The following CNTN5 variants were observed in gnomAD, a reference collection of about 807,000 sequenced individuals.
CNTN5 encodes contactin 5.
CNTN5 carries 77 observed loss-of-function variants against 129.1 expected under a neutral mutation model. The ratio of observed to expected loss-of-function variants is 0.60; its 90% confidence interval spans 0.50 to 0.72. The LOEUF is 0.72. CNTN5 is among the 30% of genes least tolerant of loss of function. The pLI is 0.00. For synonymous variants in CNTN5, 509 were observed against 465.6 expected (o/e 1.09, Z -1.20); for missense variants, 1,478 against 1,328.8 (o/e 1.11, Z -1.75).
At chr11:99,455,907 G>A (rs1406149582) in intron 2 of CNTN5, among the ~76,000 whole-genome samples, 4 of 152,182 alleles carry the variant, frequency 2.6e-5, no homozygotes, top group East Asian at 1.9e-4. Context: ...ATCTTTTCAA[G>A]CCCAGTATCT....
At chr11:99,642,200 G>C (rs556415480) in intron 3 of CNTN5, among the ~76,000 whole-genome samples, 1 of 152,214 alleles carries the variant, frequency 6.6e-6, no homozygotes, top group South Asian at 2.1e-4. Flanking sequence ...AGGAGAAAAT[G>C]GCATGAATAC....
chr11:100,071,934 T>G, intron 12 of CNTN5, 100 bp downstream of exon 12: 1 of 1,099,564 alleles, frequency 9.1e-7, no homozygotes, highest in Non-Finnish European at 1.2e-6. Flanking sequence ...GTTGTAAAAA[T>G]CTATTTTATG....
chr11:100,313,180 C>CT (rs59507606), intron 21 of CNTN5, among the ~76,000 whole-genome samples: 1 of 151,610 alleles, frequency 6.6e-6, no homozygotes, highest in Non-Finnish European at 1.5e-5. Flanking sequence ...TTATGTTTTT[C>CT]TTTTTTTTAA....
chr11:100,177,730 CAT>C (rs1243640540), intron 13 of CNTN5, among the ~76,000 whole-genome samples: 1 of 152,110 alleles, frequency 6.6e-6, no homozygotes, highest in Non-Finnish European at 1.5e-5. Context: ...AGGGAGCCGA[CAT>C]ATACGTAGAG....
intron 2 of CNTN5, among the ~76,000 whole-genome samples, chr11:99,455,784 G>A (rs1944475049): frequency 6.6e-6 from 1 of 152,110 alleles, no homozygotes; most frequent in African/African-American, 2.4e-5. Flanking sequence ...GGGAAAAAAA[G>A]CATGAAAAAT....
chr11:100,086,741 A>T (rs904275582), intron 13 of CNTN5, among the ~76,000 whole-genome samples: 17 of 151,606 alleles, frequency 1.1e-4, no homozygotes, highest in African/African-American at 4.1e-4. Flanking sequence ...AATGAATCAT[A>T]TAATATTAAC....
At chr11:99,251,069 T>C (rs1164077109) in intron 1 of CNTN5, among the ~76,000 whole-genome samples, 1 of 151,948 alleles carries the variant, frequency 6.6e-6, no homozygotes, top group African/African-American at 2.4e-5. Context: ...GATGCCACAA[T>C]ATCCATGAAT....
intron 1 of CNTN5, among the ~76,000 whole-genome samples, chr11:99,284,278 C>T (rs1373156765): frequency 6.6e-6 from 1 of 152,090 alleles, no homozygotes; most frequent in Non-Finnish European, 1.5e-5. Context: ...CACGTACACA[C>T]ATGCACACAA....
At position 100,089,472 on chromosome 11, in the gene CNTN5, G is replaced by A. The variant is rs1450436794; in HGVS notation, c.1580+15178G>A. Among the ~76,000 whole-genome samples, 6 of 152,246 alleles carry A rather than the reference G, an allele frequency of 3.9e-5. No individual in the cohort carries two copies. In the East Asian group the frequency reaches 1.2e-3, roughly 29 times the overall value. The stretch of plus-strand genomic sequence containing the variant: ...ACACTCTTGGTGAGAATGTAAATTA[G>A]TTCAACCATTGAGTAAGACAGTGTG... On this transcript the variant is annotated intron_variant, in intron 13 of 24. Coordinates refer to ENST00000524871, the MANE Select transcript of CNTN5 (RefSeq NM_014361.4).
chr11:99,915,592 C>G lies in CNTN5; in HGVS notation c.578-462C>G, dbSNP rs568657572. Among the ~76,000 whole-genome samples the G allele has an allele frequency of 1.6e-4, 25 of 152,246 alleles. 1 individual carries two copies. Among genetic ancestry groups the G allele is most frequent in the Admixed American group, 1.3e-3 (20 of 15,266 alleles). On this transcript the variant is annotated intron_variant, in intron 6 of 24. Transcript: ENST00000524871. The stretch of plus-strand genomic sequence containing the variant: ...CTATATTTTGTTAGAGCATACAAGC[C>G]TCTCTAATTTGGCATGCTCATGCTT...
chr11:99,630,271 T>C (rs146998620), intron 3 of CNTN5, among the ~76,000 whole-genome samples: 1,912 of 149,576 alleles, frequency 0.013, 39 homozygotes, highest in African/African-American at 0.043. Flanking sequence ...TATATATATG[T>C]ATATACACAT....
intron 1 of CNTN5, among the ~76,000 whole-genome samples, chr11:99,148,946 A>G (rs1859917574): frequency 6.6e-6 from 1 of 152,114 alleles, no homozygotes; most frequent in African/African-American, 2.4e-5. Flanking sequence ...ATTTTAAAGA[A>G]CAGTAAAATC....
At position 100,350,777 on chromosome 11, in the gene CNTN5, C is replaced by G. The variant is rs1251071408; in HGVS notation, c.3106C>G (p.Pro1036Ala). Residue 1036 changes from proline to alanine, a missense_variant, in exon 24 of 25, where the codon CCA becomes GCA. Transcript: ENST00000524871. The part of the protein sequence containing the change: ...TQKLQAVVPL[P>A]DAGVYIIEVR... Reference sequence around the variant, plus strand: ...GAAACTTCAAGCAGTAGTACCACTCCCAGATGCTGGAGTCTATATTATTGA... The same window carrying G: ...GAAACTTCAAGCAGTAGTACCACTCGCAGATGCTGGAGTCTATATTATTGA... 1.2e-6 allele frequency: 2 copies of G among 1,608,916 alleles called. No individual in the cohort carries two copies. The highest frequency in any genetic ancestry group is 1.7e-6 in the Non-Finnish European group (2 of 1,176,770).
At chr11:99,775,822 G>T (rs370743674) in intron 3 of CNTN5, among the ~76,000 whole-genome samples, 2 of 151,460 alleles carry the variant, frequency 1.3e-5, no homozygotes, top group Admixed American at 6.6e-5. Context: ...GTATTTTTAC[G>T]TTAGCGTTCC....
chr11:100,004,510 CA>C (rs949113672), intron 9 of CNTN5, among the ~76,000 whole-genome samples: 1 of 152,168 alleles, frequency 6.6e-6, no homozygotes, highest in African/African-American at 2.4e-5. Flanking sequence ...GTCCTTAACA[CA>C]ATTTTAAATT....
intron 2 of CNTN5, among the ~76,000 whole-genome samples, chr11:99,415,480 G>A (rs1942615460): frequency 1.3e-5 from 2 of 152,158 alleles, no homozygotes; most frequent in Admixed American, 1.3e-4. Context: ...ACCTATACCA[G>A]GTAAATCAGA....
intron 3 of CNTN5, among the ~76,000 whole-genome samples, chr11:99,665,298 C>T (rs1952743537): frequency 6.6e-6 from 1 of 151,878 alleles, no homozygotes; most frequent in Non-Finnish European, 1.5e-5. Flanking sequence ...AGTTAGAGAG[C>T]ATCTACATAT....
At chr11:99,199,104 G>T (rs1859043233) in intron 1 of CNTN5, among the ~76,000 whole-genome samples, 1 of 152,106 alleles carries the variant, frequency 6.6e-6, no homozygotes, top group Admixed American at 6.5e-5. Flanking sequence ...GCATCTAAGG[G>T]CCAAGTTTTC....
intron 3 of CNTN5, among the ~76,000 whole-genome samples, chr11:99,696,464 G>C (rs1014251498): frequency 7.2e-5 from 11 of 151,996 alleles, no homozygotes; most frequent in African/African-American, 2.7e-4. Context: ...ATTAAACAGA[G>C]TGGAATTGAT....
Sources: allele counts gnomAD v4.1 joint callset (sites outside exome capture counted in the v4.1 genomes callset), GRCh38; gene constraint gnomAD v4.1.1; transcripts MANE v1.5; gene names NCBI Gene and HGNC (gene_info 2026-07-23, HGNC 2026-07-21).